Variants in TMEM254 observed in about 807,000 individuals in gnomAD.
TMEM254 encodes the protein transmembrane protein 254.
In TMEM254, 16 loss-of-function variants were observed where a neutral mutation model predicts 13.9. The ratio of observed to expected loss-of-function variants is 1.15; its 90% CI spans 0.78 to 1.75. TMEM254 has a LOEUF of 1.75. Among genes scored for constraint, TMEM254 ranks in the 40% most tolerant of loss-of-function variants. The pLI, the probability that TMEM254 is intolerant of heterozygous loss-of-function variation, is 0.00. For missense variants in TMEM254, 155 were observed against 149.0 expected, an observed-to-expected ratio of 1.04 and a Z score of -0.21; for synonymous variants, 61 against 56.4, an observed-to-expected ratio of 1.08 and a Z score of -0.36.
In TMEM254 at chr10:80,091,122, A is replaced by G. The variant is rs570538747; in HGVS notation, c.*205A>G. 19 of 525,754 alleles carry G rather than the reference A, an allele frequency of 3.6e-5. No homozygotes were observed. Among genetic ancestry groups the G allele is most frequent in the Non-Finnish European group, 5.7e-5 (18 of 316,264 alleles). The allele number at this position is 525,754 out of a possible 1,614,324, so 32.6% of individuals were successfully genotyped here. On this transcript the variant is annotated 3_prime_UTR_variant, in exon 4 of 4. Coordinates refer to ENST00000372281, the MANE Select transcript of TMEM254 (RefSeq NM_025125.4). ...TAGACCAGTTGTTACTTAAGAAAGA[A>G]ACAGAGAAAGATTTTAGCTTTTCAA...
intron 1 of TMEM254, among the ~76,000 whole-genome samples, chr10:80,080,792 A>ACATGTACACAC (rs1251323673): frequency 6.6e-6 from 1 of 150,942 alleles, no homozygotes; most frequent in African/African-American, 2.4e-5. Flanking sequence ...ACACACACAC[A>ACATGTACACAC]AAATTAGCCA....
chr10:80,080,020 T>G (rs183914055), intron 1 of TMEM254, among the ~76,000 whole-genome samples: 40 of 152,380 alleles, frequency 2.6e-4, no homozygotes, highest in African/African-American at 9.1e-4. Flanking sequence ...CAGTGTTGTT[T>G]GTTGGTGTCA....
chr10:80,080,992 G>A (rs567014181), intron 1 of TMEM254, among the ~76,000 whole-genome samples: 1 of 152,310 alleles, frequency 6.6e-6, no homozygotes, highest in Admixed American at 6.5e-5. Flanking sequence ...AGACAGGAGA[G>A]TCGTTTGAAT....
chr10:80,089,986 C>CA (rs1844502072), intron 3 of TMEM254, among the ~76,000 whole-genome samples: 1 of 138,708 alleles, frequency 7.2e-6, no homozygotes, highest in Non-Finnish European at 1.5e-5. Context: ...GCCTGGGTGA[C>CA]AGAGCGAGAC....
rs1415793807 is a variant in TMEM254, at chr10:80,091,675, A to G, written c.*758A>G. 6.6e-6 allele frequency: 1 copy of G among 152,314 alleles called. No individual in the cohort carries two copies. Among genetic ancestry groups the G allele is most frequent in the African/African-American group, 2.4e-5 (1 of 41,474 alleles). The allele number at this position is 152,314 out of a possible 1,614,324, so 9.4% of individuals were successfully genotyped here. On this transcript the variant is annotated 3_prime_UTR_variant, in exon 4 of 4. Transcript: ENST00000372281. ...CTCCTTCAGCTCAGGGCCACAGCTTAAACAGCTTTACCTTTCCCCTCAGCA... is the reference window on the plus strand; with the variant it reads ...CTCCTTCAGCTCAGGGCCACAGCTTGAACAGCTTTACCTTTCCCCTCAGCA...
intron 3 of TMEM254, among the ~76,000 whole-genome samples, chr10:80,089,406 C>A (rs1205475479): frequency 6.6e-6 from 1 of 152,154 alleles, no homozygotes; most frequent in African/African-American, 2.4e-5. Flanking sequence ...GCAGGTGGCT[C>A]ACACCTGTAA....
chr10:80,086,596 A>C (rs1844325530), intron 3 of TMEM254, among the ~76,000 whole-genome samples: 1 of 152,080 alleles, frequency 6.6e-6, no homozygotes. Flanking sequence ...TAATCTCAGC[A>C]CTTTGGGAGG....
At chr10:80,085,874 TCTC>T (rs1844290731) in intron 3 of TMEM254, among the ~76,000 whole-genome samples, 1 of 152,212 alleles carries the variant, frequency 6.6e-6, no homozygotes, top group African/African-American at 2.4e-5. Flanking sequence ...TATGGCTTAT[TCTC>T]TTAGTTCAGA....
rs923228188 is a variant in TMEM254 at position 80,091,078 on chromosome 10, T to C, written c.*161T>C. ...TCGTTAGTCAGTTTTTTCTCTTATATGCTCTGGTTGAGCTTGAATAGACCA... is the reference window on the plus strand; with the variant it reads ...TCGTTAGTCAGTTTTTTCTCTTATACGCTCTGGTTGAGCTTGAATAGACCA... On this transcript the variant is annotated 3_prime_UTR_variant, in exon 4 of 4. Transcript: ENST00000372281. 5.9e-6 allele frequency: 5 copies of C among 841,278 alleles called. No individual in the cohort carries two copies. The highest frequency in any genetic ancestry group is 7.2e-6 in the Non-Finnish European group (4 of 559,138). 52.1% of individuals were successfully genotyped at this position (841,278 alleles called of 1,614,324 possible).
chr10:80,083,408 A>G (rs1230252399), intron 3 of TMEM254, among the ~76,000 whole-genome samples: 1 of 152,142 alleles, frequency 6.6e-6, no homozygotes, highest in African/African-American at 2.4e-5. Context: ...GCCTGGCCAC[A>G]AGCTAGACTT....
At position 80,079,166 on chromosome 10, in the gene TMEM254, G is replaced by A. The variant is rs548136388; in HGVS notation, c.87+380G>A. The A allele has an allele frequency of 1.8e-5, 24 of 1,312,430 alleles. No individual in the cohort carries two copies. The East Asian group carries it at 1.2e-3, about 67-fold the overall frequency. 81.3% of individuals were successfully genotyped at this position (1,312,430 alleles called of 1,614,324 possible). On this transcript the variant is annotated intron_variant, in intron 1 of 3. Transcript: ENST00000372281. ...CCTTGCCCTCTCTGGTCACAGTCCT[G>A]GGGCTGGGCTACTTCGCGGTGAGGC...
At chr10:80,081,589 G>A (rs1485726086) in intron 1 of TMEM254, 6 of 1,175,372 alleles carry the variant, frequency 5.1e-6, no homozygotes, top group Non-Finnish European at 7.2e-6. Context: ...GATGGATTGA[G>A]CCCAGATGGT....
chr10:80,087,623 AGCCT>A (rs1244050809), intron 3 of TMEM254, among the ~76,000 whole-genome samples: 1 of 152,218 alleles, frequency 6.6e-6, no homozygotes, highest in Non-Finnish European at 1.5e-5. Flanking sequence ...ACTGCACTCT[AGCCT>A]GGGCAACAGA....
intron 3 of TMEM254, among the ~76,000 whole-genome samples, chr10:80,089,818 A>G (rs1226115983): frequency 6.6e-6 from 1 of 152,012 alleles, no homozygotes; most frequent in Non-Finnish European, 1.5e-5. Context: ...CCTGGCTAAC[A>G]CAGTGAAACC....
intron 3 of TMEM254, among the ~76,000 whole-genome samples, chr10:80,089,558 A>G (rs1844474472): frequency 6.6e-6 from 1 of 152,120 alleles, no homozygotes; most frequent in Non-Finnish European, 1.5e-5. Flanking sequence ...GCCTGTGATG[A>G]TCCCAGCTAC....
At position 80,084,589 on chromosome 10, in the gene TMEM254, T is replaced by C. The variant is rs138753606; in HGVS notation, c.251+2385T>C. On this transcript the variant is annotated intron_variant, in intron 3 of 3. Transcript: ENST00000372281. The stretch of plus-strand genomic sequence containing the variant: ...CTTCCCCAAATTCCAGAGACTCATG[T>C]CAAGCTCTACAAATGGTTCTGTTGA... 2.3e-3 allele frequency among the ~76,000 whole-genome samples: 346 copies of C among 152,244 alleles called. 3 individuals are homozygous for C. Among genetic ancestry groups the C allele is most frequent in the Non-Finnish European group, 3.7e-3 (252 of 68,016 alleles).
chr10:80,082,295 G>A lies in TMEM254; in HGVS notation c.251+91G>A, dbSNP rs569154058. ...CATTTAAATAGTTCACACACTTGTA[G>A]GCTGAGAATATTCTCAGGGTAGAGC... On this transcript the variant is annotated intron_variant, in intron 3 of 3. Coordinates refer to ENST00000372281, the MANE Select transcript of TMEM254 (RefSeq NM_025125.4). The A allele has an allele frequency of 3.0e-5, 44 of 1,446,642 alleles. No individual in the cohort carries two copies. The East Asian group carries it at 9.1e-4, about 30-fold the overall frequency. 89.6% of individuals were successfully genotyped at this position (1,446,642 alleles called of 1,614,324 possible). A position where few individuals can be genotyped will look rare whatever the true frequency, so the allele number is the denominator to read the frequency against.
intron 3 of TMEM254, among the ~76,000 whole-genome samples, chr10:80,083,538 C>T (rs1364391542): frequency 6.6e-6 from 1 of 152,180 alleles, no homozygotes; most frequent in African/African-American, 2.4e-5. Flanking sequence ...TCAAACAGAT[C>T]GTAGGATTTC....
chr10:80,088,632 T>G (rs539996383), intron 3 of TMEM254, among the ~76,000 whole-genome samples: 63 of 151,744 alleles, frequency 4.2e-4, no homozygotes, highest in African/African-American at 1.5e-3. Context: ...AAATGACTTT[T>G]TTTTAAAAAA....
Sources: gnomAD v4.1 joint callset for allele counts (sites outside exome capture counted in the v4.1 genomes callset) on GRCh38, gnomAD v4.1.1 for gene constraint, MANE v1.5 for transcripts, NCBI Gene and HGNC (gene_info 2026-07-23, HGNC 2026-07-21) for gene names.